PRELID2: variants seen among roughly 807,000 people sequenced by gnomAD.
PRELID2 encodes the protein PRELI domain containing 2, also known as PRELI domain-containing protein 2.
A neutral mutation model predicts 28.4 loss-of-function variants in PRELID2; 25 were observed. That is an observed-to-expected ratio of 0.88 (90% CI 0.64 to 1.23). The LOEUF (loss-of-function observed/expected upper bound fraction) is 1.23. PRELID2 is among the 50% of genes most tolerant of loss of function. The pLI is 0.00. For synonymous variants in PRELID2, 76 were observed against 71.6 expected (o/e 1.06, Z -0.31); for missense variants, 201 against 214.4 (o/e 0.94, Z 0.39).
At chr5:145,829,401 G>A (rs1023948225) in intron 1 of PRELID2, among the ~76,000 whole-genome samples, 9 of 151,810 alleles carry the variant, frequency 5.9e-5, no homozygotes, top group Admixed American at 2.6e-4. Context: ...TTATTTTCAG[G>A]TTCATGAAAT....
At chr5:145,314,889 T>G in the PRELID2 span, among the ~76,000 whole-genome samples, 1 of 152,036 alleles carries the variant, frequency 6.6e-6, no homozygotes, top group South Asian at 2.1e-4. Context: ...TTTTATCATC[T>G]CTCACCTTAC....
chr5:145,651,648 T>C (rs761580641), intron 1 of PRELID2, among the ~76,000 whole-genome samples: 3 of 152,098 alleles, frequency 2.0e-5, no homozygotes, highest in Non-Finnish European at 2.9e-5. Flanking sequence ...GCAAACAGGG[T>C]CTGGAGTGGA....
At chr5:145,288,771 C>G in the PRELID2 span, among the ~76,000 whole-genome samples, 1 of 152,076 alleles carries the variant, frequency 6.6e-6, no homozygotes, top group Non-Finnish European at 1.5e-5. Flanking sequence ...ACTGAGGTAT[C>G]CAACTCTAAT....
At chr5:145,292,176 T>C in the PRELID2 span, among the ~76,000 whole-genome samples, 330 of 152,284 alleles carry the variant, frequency 2.2e-3, 2 homozygotes, top group African/African-American at 7.6e-3. Flanking sequence ...TATTTTCACC[T>C]CTAGGCGACG....
At chr5:145,620,967 G>A (rs1279427754) in intron 1 of PRELID2, among the ~76,000 whole-genome samples, 1 of 152,098 alleles carries the variant, frequency 6.6e-6, no homozygotes, top group Non-Finnish European at 1.5e-5. Context: ...AAAGTAGTGA[G>A]AAAATAATTG....
chr5:145,381,220 G>C, the PRELID2 span, among the ~76,000 whole-genome samples: 1 of 152,118 alleles, frequency 6.6e-6, no homozygotes, highest in East Asian at 1.9e-4. Flanking sequence ...CCCATGCAGG[G>C]CACTTTCCAT....
At chr5:145,796,395 T>A (rs1752750407) in intron 5 of PRELID2, 47 bp downstream of exon 5, 2 of 1,272,158 alleles carry the variant, frequency 1.6e-6, no homozygotes, top group Non-Finnish European at 2.3e-6. Context: ...TTGGAACTCC[T>A]ATTGTTTTTT....
chr5:145,411,738 G>A, the PRELID2 span, among the ~76,000 whole-genome samples: 1 of 152,180 alleles, frequency 6.6e-6, no homozygotes, highest in Non-Finnish European at 1.5e-5. Flanking sequence ...TTTCCCTTCT[G>A]TAGTGCACTA....
chr5:145,235,053 T>C, the PRELID2 span, among the ~76,000 whole-genome samples: 4 of 152,224 alleles, frequency 2.6e-5, no homozygotes, highest in South Asian at 6.2e-4. Context: ...AACAGGACCA[T>C]AATATTATGA....
At chr5:145,327,454 A>G in the PRELID2 span, among the ~76,000 whole-genome samples, 1 of 151,962 alleles carries the variant, frequency 6.6e-6, no homozygotes, top group African/African-American at 2.4e-5. Context: ...TTTGGCTGCT[A>G]TTTGCATAGA....
At chr5:145,657,358 A>T (rs971299950) in intron 1 of PRELID2, among the ~76,000 whole-genome samples, 1 of 152,196 alleles carries the variant, frequency 6.6e-6, no homozygotes, top group African/African-American at 2.4e-5. Context: ...AAATTACTGG[A>T]TGACTCTACC....
chr5:145,499,769 C>A (rs909543757), intron 1 of PRELID2, among the ~76,000 whole-genome samples: 1 of 152,140 alleles, frequency 6.6e-6, no homozygotes, highest in African/African-American at 2.4e-5. Context: ...CCCCTGACCC[C>A]GAAATGAAAG....
At chr5:145,424,237 G>A in the PRELID2 span, among the ~76,000 whole-genome samples, 1 of 152,140 alleles carries the variant, frequency 6.6e-6, no homozygotes, top group Admixed American at 6.5e-5. Context: ...AGGCAGGCAG[G>A]CCTCCTTGAG....
intron 1 of PRELID2, among the ~76,000 whole-genome samples, chr5:145,613,469 G>A (rs1347990365): frequency 5.8e-5 from 6 of 103,590 alleles, no homozygotes; most frequent in Admixed American, 4.5e-4. Context: ...AACAGGCCCC[G>A]CTATGTGATG....
At chr5:145,282,755 G>C in the PRELID2 span, among the ~76,000 whole-genome samples, 6 of 152,108 alleles carry the variant, frequency 3.9e-5, no homozygotes, top group Admixed American at 1.3e-4. Context: ...CCAACCTCAG[G>C]TGATCTGCCT....
chr5:145,773,523 C>A (rs1758231082), intron 5 of PRELID2, among the ~76,000 whole-genome samples: 1 of 152,184 alleles, frequency 6.6e-6, no homozygotes, highest in Non-Finnish European at 1.5e-5. Context: ...ACATTTATAA[C>A]ATTTGATCAT....
At chr5:145,719,943 GA>G (rs1415345910) in intron 1 of PRELID2, among the ~76,000 whole-genome samples, 6 of 151,232 alleles carry the variant, frequency 4.0e-5, no homozygotes, top group Non-Finnish European at 8.9e-5. Flanking sequence ...AGAGTTGATT[GA>G]AAAAAAGAAA....
At chr5:145,321,247 T>A in the PRELID2 span, among the ~76,000 whole-genome samples, 1 of 151,436 alleles carries the variant, frequency 6.6e-6, no homozygotes, top group East Asian at 1.9e-4. Context: ...ATTACATACA[T>A]TTTTTTTACC....
At chr5:145,669,030 C>G (rs1754652394) in intron 1 of PRELID2, among the ~76,000 whole-genome samples, 2 of 152,132 alleles carry the variant, frequency 1.3e-5, no homozygotes, top group Non-Finnish European at 2.9e-5. Flanking sequence ...AAACTTTCCT[C>G]AGACACACAT....
Sources: gnomAD v4.1 joint callset for allele counts (sites outside exome capture counted in the v4.1 genomes callset) on GRCh38, gnomAD v4.1.1 for gene constraint, MANE v1.5 for transcripts, NCBI Gene and HGNC (gene_info 2026-07-23, HGNC 2026-07-21) for gene names.